The following FGF5 variants were observed in gnomAD, a reference collection of about 807,000 sequenced individuals.
FGF5 encodes the protein heparin-binding growth factor 5.
Under a neutral mutation model 21.8 loss-of-function variants are expected in FGF5, and 23 were observed. The observed-to-expected ratio is 1.05, with a 90% confidence interval of 0.76 to 1.49. The LOEUF is 1.49. FGF5 is among the 40% of genes most tolerant of loss of function. The pLI is 0.00. For synonymous variants in FGF5, 158 were observed against 124.0 expected (o/e 1.27, Z -1.82); for missense variants, 352 against 332.9 (o/e 1.06, Z -0.45).
In FGF5 at chr4:80,267,153, A is replaced by G; in HGVS notation, c.329A>G (p.Asn110Ser). The G allele has an allele frequency of 6.2e-7, 1 of 1,611,876 alleles. No homozygotes were observed. Among genetic ancestry groups the G allele is most frequent in the Non-Finnish European group, 8.5e-7 (1 of 1,178,804 alleles). Residue 110 changes from asparagine to serine, a missense_variant, in exon 1 of 3, where the codon AAT becomes AGT. Asn to Ser is a conservative substitution (Grantham distance 46, BLOSUM62 1). Transcript: ENST00000312465. ...CAGATCTACCCGGATGGCAAAGTCA[A>G]TGGATCCCACGAAGCCAATATGTTA... is the stretch of plus-strand genomic sequence containing the variant. ...HLQIYPDGKV[N>S]GSHEANMLSV...
intron 2 of FGF5, among the ~76,000 whole-genome samples, chr4:80,281,834 A>C (rs1480738047): frequency 1.3e-5 from 2 of 152,148 alleles, no homozygotes; most frequent in African/African-American, 4.8e-5. Context: ...TCATTTCTGG[A>C]ATATTGTAGT....
At chr4:80,280,122 C>T (rs914460306) in intron 2 of FGF5, among the ~76,000 whole-genome samples, 1 of 152,222 alleles carries the variant, frequency 6.6e-6, no homozygotes, top group African/African-American at 2.4e-5. Context: ...AAGCACTCCA[C>T]TCTGCCAGTC....
chr4:80,273,802 T>C (rs1290212147), intron 1 of FGF5, among the ~76,000 whole-genome samples: 3 of 152,008 alleles, frequency 2.0e-5, no homozygotes, highest in Non-Finnish European at 4.4e-5. Flanking sequence ...GCCTCAGCCT[T>C]CCAAAGTGCT....
chr4:80,276,105 T>A (rs1485178767), intron 2 of FGF5, among the ~76,000 whole-genome samples: 13 of 152,034 alleles, frequency 8.6e-5, no homozygotes, highest in Non-Finnish European at 1.5e-5. Context: ...TTAATATCTT[T>A]TGGAAGAGAC....
In FGF5 at chr4:80,286,504, C is replaced by T; in HGVS notation, c.639C>T (p.Thr213=). ...GGGTTAAACCCCAGCATATCTCTAC[C>T]CATTTTCTGCCAAGATTCAAGCAGT... ...SPRVKPQHIS[T]HFLPRFKQSE... The change falls in exon 3 of 3, where the codon ACC becomes ACT. Residue 213 remains threonine, a synonymous_variant. Coordinates refer to ENST00000312465, the MANE Select transcript of FGF5 (RefSeq NM_004464.4). The T allele has an allele frequency of 1.9e-6, 3 of 1,614,000 alleles. No homozygotes were observed. Among genetic ancestry groups the T allele is most frequent in the Non-Finnish European group, 2.5e-6 (3 of 1,179,986 alleles).
In FGF5 at chr4:80,289,832, A is replaced by G. The variant is rs1448718620; in HGVS notation, c.*3160A>G. ...ATAATAAGGGATACTGACAGAAGTT[A>G]TTTCCAAGTTTGTGTATATATTATA... On this transcript the variant is annotated 3_prime_UTR_variant, in exon 3 of 3. Transcript: ENST00000312465. The G allele has an allele frequency of 6.6e-6, 1 of 152,140 alleles. No individual in the cohort carries two copies. The highest frequency in any genetic ancestry group is 1.5e-5 in the Non-Finnish European group (1 of 67,998). 9.4% of individuals were successfully genotyped at this position (152,140 alleles called of 1,614,324 possible).
chr4:80,266,812 C>G lies in FGF5; in HGVS notation c.-13C>G. ...CCCTACAAGATGCACTTAGGACCCC[C>G]GCGGCTGGAAGAATGAGCTTGTCCT... On this transcript the variant is annotated 5_prime_UTR_variant, in exon 1 of 3. Transcript: ENST00000312465. 3 of 1,563,102 alleles carry G rather than the reference C, an allele frequency of 1.9e-6. No individual in the cohort carries two copies. Among genetic ancestry groups the G allele is most frequent in the Middle Eastern group, 1.7e-4 (1 of 5,786 alleles).
chr4:80,285,950 ATTTTC>A (rs1003373789), intron 2 of FGF5, among the ~76,000 whole-genome samples: 5 of 152,108 alleles, frequency 3.3e-5, no homozygotes, highest in Non-Finnish European at 7.4e-5. Flanking sequence ...AGTTCCATTT[ATTTTC>A]TTAGTGAGTT....
chr4:80,279,821 T>G (rs183236514), intron 2 of FGF5, among the ~76,000 whole-genome samples: 82 of 152,364 alleles, frequency 5.4e-4, no homozygotes, highest in Non-Finnish European at 4.9e-4. Context: ...GGAATTATTT[T>G]TGTTTCTCAG....
chr4:80,282,712 A>C (rs1014763558), intron 2 of FGF5, among the ~76,000 whole-genome samples: 2 of 152,216 alleles, frequency 1.3e-5, no homozygotes, highest in Non-Finnish European at 2.9e-5. Context: ...TGATTTCAGC[A>C]ACTTATCTGA....
chr4:80,272,269 T>G (rs1323203543), intron 1 of FGF5, among the ~76,000 whole-genome samples: 1 of 152,200 alleles, frequency 6.6e-6, no homozygotes, highest in Non-Finnish European at 1.5e-5. Flanking sequence ...TAAAATCTTT[T>G]AATTCTCAGG....
rs35156326 is a variant in FGF5, at chr4:80,279,581, A to G, written c.459+4569A>G. Among the ~76,000 whole-genome samples the G allele has an allele frequency of 1.1e-3, 174 of 152,300 alleles. 1 individual carries two copies. The East Asian group carries it at 0.029, about 25-fold the overall frequency. On this transcript the variant is annotated intron_variant, in intron 2 of 2. Transcript: ENST00000312465. ...TCACCAAGGAACCTAATTTCAAAGC[A>G]AAATTTCCAAGCTCAACCTCTTAAA...
chr4:80,284,478 GAAAC>G (rs907366466), intron 2 of FGF5, among the ~76,000 whole-genome samples: 92 of 151,146 alleles, frequency 6.1e-4, no homozygotes, highest in African/African-American at 2.1e-3. Flanking sequence ...CAACAACAAA[GAAAC>G]AAACAAAAAA....
At chr4:80,276,327 C>T (rs1047652744) in intron 2 of FGF5, among the ~76,000 whole-genome samples, 33 of 152,094 alleles carry the variant, frequency 2.2e-4, no homozygotes, top group African/African-American at 7.5e-4. Flanking sequence ...TTAAATCACT[C>T]ATTGCAAGAA....
In FGF5 at chr4:80,275,006, T is replaced by G. The variant is rs762605593; in HGVS notation, c.453T>G (p.His151Gln). 1 of 1,483,422 alleles carries G rather than the reference T, an allele frequency of 6.7e-7. No individual in the cohort carries two copies. The highest frequency in any genetic ancestry group is 9.4e-7 in the Non-Finnish European group (1 of 1,067,294). 91.9% of individuals were successfully genotyped at this position (1,483,422 alleles called of 1,614,324 possible). ...CGATGTCAAAAAAAGGAAAACTCCA[T>G]GCAAGTGTAAGTAGAACCACTTTAT... Reference protein sequence around the residue: ...FLAMSKKGKLHASAKFTDDCK... With the variant: ...FLAMSKKGKLQASAKFTDDCK... Residue 151 changes from histidine (H) to glutamine (Q), a missense_variant, in exon 2 of 3, where the codon CAT becomes CAG. His to Gln is a conservative substitution (Grantham distance 24). Coordinates refer to ENST00000312465, the MANE Select transcript of FGF5 (RefSeq NM_004464.4).
chr4:80,267,170 A>C lies in FGF5; in HGVS notation c.346A>C (p.Asn116His). 1 of 1,605,862 alleles carries C rather than the reference A, an allele frequency of 6.2e-7. No homozygotes were observed. The highest frequency in any genetic ancestry group is 1.1e-5 in the South Asian group (1 of 90,128). The stretch of plus-strand genomic sequence containing the variant: ...CAAAGTCAATGGATCCCACGAAGCC[A>C]ATATGTTAAGTAAGTTACTCGCTCT... ...DGKVNGSHEA[N>H]MLSVLEIFAV... Residue 116 changes from asparagine to histidine, a missense_variant, in exon 1 of 3, where the codon AAT (asparagine) becomes CAT (histidine). Asn to His is a moderately conservative substitution (Grantham distance 68). Transcript: ENST00000312465.
In FGF5 at chr4:80,289,327, C is replaced by A. The variant is rs1208527655; in HGVS notation, c.*2655C>A. 1 of 151,974 alleles carries A rather than the reference C, an allele frequency of 6.6e-6. No homozygotes were observed. Among genetic ancestry groups the A allele is most frequent in the Non-Finnish European group, 1.5e-5 (1 of 67,972 alleles). 9.4% of individuals were successfully genotyped at this position (151,974 alleles called of 1,614,324 possible). On this transcript the variant is annotated 3_prime_UTR_variant, in exon 3 of 3. Transcript: ENST00000312465. ...TAATGCTTAGTGAAGCATAAAGTTA[C>A]CTACATCAATTAATTAAATGAACTT... is the stretch of plus-strand genomic sequence containing the variant.
At chr4:80,273,707 C>T (rs1160918176) in intron 1 of FGF5, among the ~76,000 whole-genome samples, 1 of 151,266 alleles carries the variant, frequency 6.6e-6, no homozygotes, top group Non-Finnish European at 1.5e-5. Flanking sequence ...TTCTTCCTTC[C>T]TTCTTTTCCT....
Position 80,267,196 on chromosome 4 carries a change from C to T in FGF5, c.355+17C>T. 3 of 1,568,392 alleles carry T rather than the reference C, an allele frequency of 1.9e-6. No individual in the cohort carries two copies. Among genetic ancestry groups the T allele is most frequent in the Non-Finnish European group, 1.7e-6 (2 of 1,152,388 alleles). The stretch of plus-strand genomic sequence containing the variant: ...ATATGTTAAGTAAGTTACTCGCTCT[C>T]CTACAAAACCCGTCCTAGGCGGCCG... On this transcript the variant is annotated intron_variant, in intron 1 of 2. Transcript: ENST00000312465.
Sources: gnomAD v4.1 joint callset for allele counts (sites outside exome capture counted in the v4.1 genomes callset) on GRCh38, gnomAD v4.1.1 for gene constraint, MANE v1.5 for transcripts, NCBI Gene and HGNC (gene_info 2026-07-23, HGNC 2026-07-21) for gene names.